LGALS4: variants seen among roughly 807,000 people sequenced by gnomAD.
The protein encoded by LGALS4 is galectin-4.
In LGALS4, 37 loss-of-function variants were observed where a neutral mutation model predicts 39.6. The observed-to-expected ratio is 0.93, with a 90% CI of 0.72 to 1.23. The LOEUF (loss-of-function observed/expected upper bound fraction) is 1.23, where lower values mean the gene tolerates loss of function less well. LGALS4 is among the 50% of genes most tolerant of loss of function. LGALS4 has a pLI of 0.00. For missense variants in LGALS4, 397 were observed against 433.2 expected, an observed-to-expected ratio of 0.92 and a Z score of 0.74; for synonymous variants, 160 against 165.5, an observed-to-expected ratio of 0.97 and a Z score of 0.25.
rs372636662 is a variant in LGALS4 at position 38,803,856 on chromosome 19, A to G, written c.501+13T>C. ...CTAGGGAGGAAGACCCTCACCTATCAGCAAGTACTTACAGGGTAAGGTGGC... is the reference window on the plus strand; with the variant it reads ...CTAGGGAGGAAGACCCTCACCTATCGGCAAGTACTTACAGGGTAAGGTGGC... On this transcript the variant is annotated intron_variant, in intron 5 of 9. Transcript: ENST00000307751. 80 of 1,612,298 alleles carry G rather than the reference A, an allele frequency of 5.0e-5. No individual in the cohort carries two copies. Among genetic ancestry groups the G allele is most frequent in the Admixed American group, 3.5e-4 (21 of 59,708 alleles).
chr19:38,806,607 A>G lies in LGALS4; in HGVS notation c.340-12T>C. Reference sequence around the variant, plus strand: ...CCATTTACCACCACCTGGAGGGCAGAGATGGGAGGTCAGGAGTCAGCACCC... The same window carrying G: ...CCATTTACCACCACCTGGAGGGCAGGGATGGGAGGTCAGGAGTCAGCACCC... On this transcript the variant is annotated splice_polypyrimidine_tract_variant and intron_variant, in intron 3 of 9. Transcript: ENST00000307751. 6.2e-7 allele frequency: 1 copy of G among 1,613,252 alleles called. No individual in the cohort carries two copies. Among genetic ancestry groups the G allele is most frequent in the Non-Finnish European group, 8.5e-7 (1 of 1,179,680 alleles).
Position 38,803,898 on chromosome 19 carries a change from G to A in LGALS4, c.475-3C>T. ...TAAGGTGGCATCATCGGGGGTCCCT[G>A]TGGGCACAGAAAGAGAAAGCGGTTA... On this transcript the variant is annotated splice_region_variant and splice_polypyrimidine_tract_variant and intron_variant, in intron 4 of 9. Transcript: ENST00000307751. 2 of 1,608,124 alleles carry A rather than the reference G, an allele frequency of 1.2e-6. No individual in the cohort carries two copies. Among genetic ancestry groups the A allele is most frequent in the African/African-American group, 2.7e-5 (2 of 74,936 alleles).
intron 2 of LGALS4, 91 bp from the exon 3 acceptor site, chr19:38,809,039 T>C: frequency 8.8e-7 from 1 of 1,135,448 alleles, no homozygotes; most frequent in Non-Finnish European, 1.3e-6. Flanking sequence ...CGCCCTGTCC[T>C]CGGCCTCCCT....
chr19:38,803,512 C>T lies in LGALS4; in HGVS notation c.570+10G>A, dbSNP rs200437972. The T allele has an allele frequency of 6.3e-5, 101 of 1,613,716 alleles. No homozygotes were observed. The highest frequency in any genetic ancestry group is 8.1e-5 in the Non-Finnish European group (96 of 1,179,746). On this transcript the variant is annotated intron_variant, in intron 7 of 9. Coordinates refer to ENST00000307751, the MANE Select transcript of LGALS4 (RefSeq NM_006149.4). Reference sequence around the variant, plus strand: ...TCCCCACCATCCATCTCTGTTTCCCCAAGCCATACCGGGTTGAAGGTTGGG... The same window carrying T: ...TCCCCACCATCCATCTCTGTTTCCCTAAGCCATACCGGGTTGAAGGTTGGG...
rs201015643 is a variant in LGALS4, at chr19:38,812,866, C to T, written c.21G>A (p.Pro7=). The T allele has an allele frequency of 3.4e-5, 54 of 1,611,940 alleles. No homozygotes were observed. The highest frequency in any genetic ancestry group is 3.1e-4 in the South Asian group (28 of 91,062). ...CCGGGTTGTAGGTGGGCTGGTAGCC[C>T]GGTGCGGGGACATAGGCCATCGCTC... MAYVPA[P]GYQPTYNPTL... The change falls in exon 1 of 10, where the codon CCG becomes CCA. Residue 7 remains proline, a synonymous_variant. Transcript: ENST00000307751.
At position 38,801,980 on chromosome 19, in the gene LGALS4, G is replaced by A; in HGVS notation, c.825+12C>T. 1 of 1,614,130 alleles carries A rather than the reference G, an allele frequency of 6.2e-7. No individual in the cohort carries two copies. Among genetic ancestry groups the A allele is most frequent in the Non-Finnish European group, 8.5e-7 (1 of 1,179,968 alleles). On this transcript the variant is annotated intron_variant, in intron 9 of 9. Coordinates refer to ENST00000307751, the MANE Select transcript of LGALS4 (RefSeq NM_006149.4). ...CCCTGGAAGGAAGTGGGAAAAGAGA[G>A]CTCAGACTCACATCAAAGAACTGTC...
In LGALS4 at chr19:38,809,173, CTTTTTTTTT is replaced by C. The variant is rs34677297; in HGVS notation, c.135-234_135-226del. On this transcript the variant is annotated intron_variant, in intron 2 of 9. Transcript: ENST00000307751. Reference sequence around the variant, plus strand: ...ACACCTTCGCTCACAGCCTTTCCTTCTTTTTTTTTTTTTTTTTTTTTTTGAGATGGAGTC... The same window carrying C: ...ACACCTTCGCTCACAGCCTTTCCTTCTTTTTTTTTTTTTTGAGATGGAGTC... Among the ~76,000 whole-genome samples, 314 of 104,920 alleles carry C rather than the reference CTTTTTTTTT, an allele frequency of 3.0e-3. 2 individuals carry two copies. Among genetic ancestry groups the C allele is most frequent in the African/African-American group, 0.01 (285 of 27,980 alleles). The allele number at this position is 104,920 out of a possible 152,430, so 68.8% of individuals were successfully genotyped here.
chr19:38,812,395 C>G, intron 2 of LGALS4, 36 bp downstream of exon 2: 1 of 1,594,402 alleles, frequency 6.3e-7, no homozygotes, highest in Non-Finnish European at 8.6e-7. Flanking sequence ...GTTGGAAGTC[C>G]CCTGCCAGCC....
At chr19:38,810,964 C>T (rs1042409957) in intron 2 of LGALS4, among the ~76,000 whole-genome samples, 17 of 149,006 alleles carry the variant, frequency 1.1e-4, no homozygotes, top group Middle Eastern at 3.5e-3. Context: ...TGCAATGGCA[C>T]GATCTCGGCT....
intron 2 of LGALS4, 84 bp from the exon 3 acceptor site, chr19:38,809,032 C>T: frequency 8.2e-7 from 1 of 1,215,880 alleles, no homozygotes; most frequent in Non-Finnish European, 1.2e-6. Flanking sequence ...TCCCTGCCGC[C>T]CTGTCCTCGG....
chr19:38,808,839 C>G lies in LGALS4; in HGVS notation c.244G>C (p.Gly82Arg). The G allele has an allele frequency of 6.2e-7, 1 of 1,614,134 alleles. No individual in the cohort carries two copies. The highest frequency in any genetic ancestry group is 8.5e-7 in the Non-Finnish European group (1 of 1,180,024). ...DKVVFNTLQG[G>R]KWGSEERKRS... ...TTCCTCTCCTCGCTGCCCCACTTCC[C>G]GCCCTGCAACGTGTTGAAGACCACC... Residue 82 changes from glycine to arginine, a missense_variant, in exon 3 of 10, where the codon GGG becomes CGG. Gly to Arg is a moderately radical substitution (Grantham distance 125, BLOSUM62 -2). Coordinates refer to ENST00000307751, the MANE Select transcript of LGALS4 (RefSeq NM_006149.4).
At chr19:38,807,405 A>C (rs1971434986) in intron 3 of LGALS4, among the ~76,000 whole-genome samples, 1 of 152,182 alleles carries the variant, frequency 6.6e-6, no homozygotes, top group South Asian at 2.1e-4. Context: ...CAAAAAACAC[A>C]AAGTGGTAGG....
At chr19:38,812,582 C>T in intron 1 of LGALS4, 63 bp from the exon 2 acceptor site, 2 of 1,457,140 alleles carry the variant, frequency 1.4e-6, no homozygotes, top group Non-Finnish European at 1.9e-6. Flanking sequence ...TTTACCCCTC[C>T]CAGAAAAGCC....
At position 38,804,831 on chromosome 19, in the gene LGALS4, A is replaced by C. The variant is rs12977453; in HGVS notation, c.475-936T>G. 5.6e-3 allele frequency among the ~76,000 whole-genome samples: 856 copies of C among 151,904 alleles called. 8 individuals carry two copies. Among genetic ancestry groups the C allele is most frequent in the African/African-American group, 0.018 (766 of 41,428 alleles). On this transcript the variant is annotated intron_variant, in intron 4 of 9. Transcript: ENST00000307751. ...GAGCAAGACTCCATCTAAAAAAAAA[A>C]CAAAAAACAAAAAACAAACAAACAA...
At position 38,802,018 on chromosome 19, in the gene LGALS4, G is replaced by C. The variant is rs764882551; in HGVS notation, c.799C>G (p.Pro267Ala). ...TCAAAGAACTGTCCGGGACCAAATG[G>C]GTTGTGGGTGATCTTCTTCTCCTCG... ...GSEEKKITHN[P>A]FGPGQFFDLS... Residue 267 changes from proline to alanine, a missense_variant, in exon 9 of 10, where the codon CCA (proline) becomes GCA (alanine). Coordinates refer to ENST00000307751, the MANE Select transcript of LGALS4 (RefSeq NM_006149.4). 3.7e-6 allele frequency: 6 copies of C among 1,614,218 alleles called. No individual in the cohort carries two copies. Among genetic ancestry groups the C allele is most frequent in the Non-Finnish European group, 5.1e-6 (6 of 1,180,040 alleles).
intron 4 of LGALS4, among the ~76,000 whole-genome samples, chr19:38,804,170 G>A (rs73040153): frequency 0.039 from 5,929 of 152,224 alleles, 129 homozygotes; most frequent in Admixed American, 0.055. Context: ...CTGCTGTCCC[G>A]GGGCCCTCAC....
At chr19:38,803,607 C>T (rs1045104792) in intron 6 of LGALS4, 56 bp from the exon 7 acceptor site, 2 of 1,605,524 alleles carry the variant, frequency 1.2e-6, no homozygotes, top group Non-Finnish European at 8.5e-7. Flanking sequence ...ATATCTATGA[C>T]ACACCCATTA....
At chr19:38,809,341 G>GACTTA (rs1971465732) in intron 2 of LGALS4, among the ~76,000 whole-genome samples, 2 of 151,584 alleles carry the variant, frequency 1.3e-5, no homozygotes, top group South Asian at 4.2e-4. Flanking sequence ...CACCACGTCC[G>GACTTA]GCTAATTTTT....
intron 1 of LGALS4, 42 bp from the exon 2 acceptor site, chr19:38,812,561 C>G: frequency 6.4e-7 from 1 of 1,569,654 alleles, no homozygotes. Flanking sequence ...AGCCATCTGC[C>G]TGTTGCAGCC....
Sources: gnomAD v4.1 joint callset for allele counts (sites outside exome capture counted in the v4.1 genomes callset) on GRCh38, gnomAD v4.1.1 for gene constraint, MANE v1.5 for transcripts, NCBI Gene and HGNC (gene_info 2026-07-23, HGNC 2026-07-21) for gene names.